NELL1: variants seen among roughly 807,000 people sequenced by gnomAD.
NELL1 encodes protein kinase C-binding protein NELL1.
In NELL1, 76 loss-of-function variants were observed where a neutral mutation model predicts 107.4. The observed-to-expected ratio is 0.71, with a 90% CI of 0.59 to 0.86. The LOEUF is 0.86. NELL1 is among the 40% of genes least tolerant of loss of function. The pLI is 0.00. For missense variants in NELL1, 1,024 were observed against 1,005.5 expected (o/e 1.02, Z -0.25); for synonymous variants, 353 against 341.2 (o/e 1.03, Z -0.38).
rs563545733 is a variant in NELL1, at chr11:21,101,461, T to G, written c.1301-12128T>G. Among the ~76,000 whole-genome samples, 3 of 152,202 alleles carry G rather than the reference T, an allele frequency of 2.0e-5. No homozygotes were observed. In the East Asian group the frequency reaches 5.8e-4, roughly 29 times the overall value. On this transcript the variant is annotated intron_variant, in intron 12 of 19. Transcript: ENST00000357134. ...CTAGTTTACAGTCCCAACAACAGTG[T>G]AAAAGTGTTCCTATTTCTCCACATC... is the stretch of plus-strand genomic sequence containing the variant.
chr11:21,549,335 G>T (rs1483860209), intron 16 of NELL1, among the ~76,000 whole-genome samples: 2 of 151,876 alleles, frequency 1.3e-5, no homozygotes, highest in African/African-American at 4.8e-5. Flanking sequence ...ATAACAAAAA[G>T]ATAAATCTCT....
intron 15 of NELL1, among the ~76,000 whole-genome samples, chr11:21,465,477 T>C (rs1854005517): frequency 1.3e-5 from 2 of 152,228 alleles, no homozygotes; most frequent in South Asian, 2.1e-4. Flanking sequence ...TTCCTGACAA[T>C]AGCATTTGGC....
intron 14 of NELL1, among the ~76,000 whole-genome samples, chr11:21,324,002 G>T (rs186178302): frequency 6.6e-6 from 1 of 152,156 alleles, no homozygotes; most frequent in African/African-American, 2.4e-5. Flanking sequence ...GCTTTGGATG[G>T]CCATTTCTTA....
At chr11:20,783,472 G>C (rs904584179) in intron 2 of NELL1, among the ~76,000 whole-genome samples, 3 of 152,158 alleles carry the variant, frequency 2.0e-5, no homozygotes, top group African/African-American at 7.2e-5. Context: ...TAGGGAGTGG[G>C]GAATGGTGCC....
At chr11:20,761,483 T>C (rs1856419711) in intron 2 of NELL1, among the ~76,000 whole-genome samples, 1 of 152,232 alleles carries the variant, frequency 6.6e-6, no homozygotes, top group East Asian at 1.9e-4. Flanking sequence ...CATTCTGCTT[T>C]TCTTGAGAAT....
intron 14 of NELL1, among the ~76,000 whole-genome samples, chr11:21,368,448 G>T (rs1851282869): frequency 6.6e-6 from 1 of 151,624 alleles, no homozygotes. Flanking sequence ...GTGAACACCG[G>T]ATTGTAGATT....
chr11:21,219,388 T>C (rs1791869), intron 13 of NELL1, among the ~76,000 whole-genome samples: 35,052 of 152,138 alleles, frequency 0.23, 4,191 homozygotes, highest in Non-Finnish European at 0.26. Flanking sequence ...ATTAATCCCT[T>C]GTCACATGAT....
intron 12 of NELL1, among the ~76,000 whole-genome samples, chr11:20,974,796 C>T (rs779105651): frequency 2.6e-5 from 4 of 152,090 alleles, no homozygotes; most frequent in Non-Finnish European, 5.9e-5. Flanking sequence ...GGGGTATAGA[C>T]AGTCAAAGGG....
At chr11:21,340,339 A>T (rs1850533323) in intron 14 of NELL1, among the ~76,000 whole-genome samples, 1 of 151,930 alleles carries the variant, frequency 6.6e-6, no homozygotes, top group South Asian at 2.1e-4. Context: ...TTTTTAGTAG[A>T]GATGGTGTTT....
chr11:21,282,395 G>A lies in NELL1; in HGVS notation c.1549+52941G>A, dbSNP rs530085369. Among the ~76,000 whole-genome samples the A allele has an allele frequency of 8.6e-5, 13 of 150,450 alleles. No individual in the cohort carries two copies. In the South Asian group the frequency reaches 1.3e-3, roughly 15 times the overall value. ...GCGTTTAGGCTGAGGCACGGGAATCGCTTGAGCTTGAGAGGTGGAGGTTGT... is the reference window on the plus strand; with the variant it reads ...GCGTTTAGGCTGAGGCACGGGAATCACTTGAGCTTGAGAGGTGGAGGTTGT... On this transcript the variant is annotated intron_variant, in intron 14 of 19. Coordinates refer to ENST00000357134, the MANE Select transcript of NELL1 (RefSeq NM_006157.5).
Position 21,531,080 on chromosome 11 carries a change from T to C in NELL1, c.1646-3294T>C, listed in dbSNP as rs1855979705. The stretch of plus-strand genomic sequence containing the variant: ...AGGACAAGATAAGTACTAAAATAGA[T>C]GTGTGTACAGATACTGAGTTACTAG... On this transcript the variant is annotated intron_variant, in intron 15 of 19. Transcript: ENST00000357134. 3.3e-5 allele frequency among the ~76,000 whole-genome samples: 5 copies of C among 152,272 alleles called. No homozygotes were observed. In the South Asian group the frequency reaches 1.0e-3, roughly 32 times the overall value.
At chr11:20,989,031 A>T (rs898869136) in intron 12 of NELL1, among the ~76,000 whole-genome samples, 1 of 152,096 alleles carries the variant, frequency 6.6e-6, no homozygotes, top group Non-Finnish European at 1.5e-5. Context: ...CAGTTTTCCC[A>T]TCTGTAACAA....
chr11:21,071,197 C>G (rs569170844), intron 12 of NELL1, among the ~76,000 whole-genome samples: 3 of 152,144 alleles, frequency 2.0e-5, no homozygotes, highest in Non-Finnish European at 4.4e-5. Flanking sequence ...AATAGTAACA[C>G]CTCACTAGTA....
intron 14 of NELL1, among the ~76,000 whole-genome samples, chr11:21,252,522 A>G (rs1473188061): frequency 6.6e-6 from 1 of 152,154 alleles, no homozygotes; most frequent in Non-Finnish European, 1.5e-5. Flanking sequence ...CTGAAAAATT[A>G]TGGCATGTTA....
chr11:20,975,650 T>C (rs1851593904), intron 12 of NELL1, among the ~76,000 whole-genome samples: 1 of 133,040 alleles, frequency 7.5e-6, no homozygotes, highest in Admixed American at 7.7e-5. Context: ...TTATATAATG[T>C]ATGTATTATA....
intron 15 of NELL1, among the ~76,000 whole-genome samples, chr11:21,508,478 A>T (rs1855352853): frequency 6.6e-6 from 1 of 152,180 alleles, no homozygotes; most frequent in Admixed American, 6.5e-5. Flanking sequence ...ACATTGCAGA[A>T]AATAAAAAGG....
At chr11:21,340,277 C>T (rs534016576) in intron 14 of NELL1, among the ~76,000 whole-genome samples, 5 of 152,158 alleles carry the variant, frequency 3.3e-5, no homozygotes, top group East Asian at 1.9e-4. Context: ...CTCAGCCTCC[C>T]GAGTAGCTGG....
At chr11:21,342,702 GGAGAGAGAGA>G (rs34390468) in intron 14 of NELL1, among the ~76,000 whole-genome samples, 2 of 145,110 alleles carry the variant, frequency 1.4e-5, no homozygotes, top group East Asian at 4.1e-4. Flanking sequence ...GAAGGAAGAG[GGAGAGAGAGA>G]GAGAGAGAGA....
intron 12 of NELL1, among the ~76,000 whole-genome samples, chr11:21,096,588 G>A (rs1445349398): frequency 6.6e-6 from 1 of 152,088 alleles, no homozygotes; most frequent in Non-Finnish European, 1.5e-5. Flanking sequence ...ATTTGTTGAG[G>A]TCTTTGGCAC....
Sources: gnomAD v4.1 joint callset for allele counts (sites outside exome capture counted in the v4.1 genomes callset) on GRCh38, gnomAD v4.1.1 for gene constraint, MANE v1.5 for transcripts, NCBI Gene and HGNC (gene_info 2026-07-23, HGNC 2026-07-21) for gene names.